Variants in CNRIP1 observed in about 807,000 individuals in gnomAD.
CNRIP1 encodes CB1 cannabinoid receptor-interacting protein 1.
In CNRIP1, 10 loss-of-function variants were observed where a neutral mutation model predicts 15.2. The observed-to-expected ratio is 0.66, with a 90% CI of 0.41 to 1.12. CNRIP1 has a LOEUF of 1.12. Ranked by LOEUF, CNRIP1 falls within the 50% of genes most tolerant of loss-of-function variation. The pLI is 0.00. For synonymous variants in CNRIP1, 91 were observed against 83.2 expected (o/e 1.09, Z -0.51); for missense variants, 211 against 214.7 (o/e 0.98, Z 0.11).
At chr2:68,304,414 A>C (rs931864114) in intron 2 of CNRIP1, among the ~76,000 whole-genome samples, 3 of 149,408 alleles carry the variant, frequency 2.0e-5, no homozygotes, top group Non-Finnish European at 4.5e-5. Flanking sequence ...AAAAAAAATA[A>C]AGTTGGAGAG....
chr2:68,298,987 G>A (rs1671495746), intron 2 of CNRIP1, among the ~76,000 whole-genome samples: 1 of 152,100 alleles, frequency 6.6e-6, no homozygotes, highest in Non-Finnish European at 1.5e-5. Flanking sequence ...CTGTATATTT[G>A]TATAGCACCC....
At chr2:68,294,505 T>G (rs953909583) in intron 2 of CNRIP1, among the ~76,000 whole-genome samples, 2 of 152,026 alleles carry the variant, frequency 1.3e-5, no homozygotes, top group Non-Finnish European at 1.5e-5. Flanking sequence ...CAAACCCCCA[T>G]GTTCATCCCC....
At chr2:68,318,012 T>TA (rs78781299) in intron 1 of CNRIP1, among the ~76,000 whole-genome samples, 2,365 of 135,208 alleles carry the variant, frequency 0.017, 22 homozygotes, top group African/African-American at 0.031. Context: ...AGGAATACTC[T>TA]AAAAAAAAAA....
intron 2 of CNRIP1, among the ~76,000 whole-genome samples, chr2:68,314,433 A>G (rs1672199525): frequency 6.6e-6 from 1 of 152,122 alleles, no homozygotes; most frequent in African/African-American, 2.4e-5. Flanking sequence ...TTCATCAAAT[A>G]TATCAAATAA....
chr2:68,308,133 CA>C (rs1346110121), intron 2 of CNRIP1, among the ~76,000 whole-genome samples: 3 of 151,900 alleles, frequency 2.0e-5, no homozygotes, highest in African/African-American at 7.3e-5. Context: ...TTTGAGGTTA[CA>C]ATGAGCTATG....
intron 2 of CNRIP1, among the ~76,000 whole-genome samples, chr2:68,305,671 C>T (rs896354673): frequency 6.6e-6 from 1 of 151,640 alleles, no homozygotes; most frequent in African/African-American, 2.4e-5. Flanking sequence ...TGGCGAGCAC[C>T]TGTAGTCCCA....
intron 2 of CNRIP1, among the ~76,000 whole-genome samples, chr2:68,313,630 C>G (rs1341725693): frequency 6.6e-6 from 1 of 152,042 alleles, no homozygotes; most frequent in East Asian, 1.9e-4. Flanking sequence ...ATGGCAAGCT[C>G]AGGATAGGTT....
In CNRIP1 at chr2:68,319,412, G is replaced by A. The variant is rs1573044002; in HGVS notation, c.-12C>T. ...GGCAGGTCCCCCATGTCTGGGCGAG[G>A]GTCTGGCGCGGCGGCTCCGGGGGGC... On this transcript the variant is annotated 5_prime_UTR_variant, in exon 1 of 3. Coordinates refer to ENST00000263655, the MANE Select transcript of CNRIP1 (RefSeq NM_015463.3). 9 of 1,535,940 alleles carry A rather than the reference G, an allele frequency of 5.9e-6. No homozygotes were observed. The highest frequency in any genetic ancestry group is 2.4e-5 in the East Asian group (1 of 41,554).
Position 68,293,602 on chromosome 2 carries a change from AT to A in CNRIP1, c.*259del. The stretch of plus-strand genomic sequence containing the variant: ...ACTCCAGTCACAAGTGGTCAAAAGT[AT>A]GACCGAGAACAACTGGATGCAGGAA... On this transcript the variant is annotated 3_prime_UTR_variant, in exon 3 of 3. Transcript: ENST00000263655. The A allele has an allele frequency of 9.8e-6, 11 of 1,125,488 alleles. No homozygotes were observed. Among genetic ancestry groups the A allele is most frequent in the Non-Finnish European group, 1.2e-5 (11 of 914,520 alleles). The allele number at this position is 1,125,488 out of a possible 1,614,324, so 69.7% of individuals were successfully genotyped here.
At position 68,286,678 on chromosome 2, in the gene CNRIP1, C is replaced by T. The variant is rs569523796; in HGVS notation, c.331-2194G>A. On this transcript the variant is annotated intron_variant, in intron 2 of 2. Coordinates refer to the CNRIP1 transcript ENST00000409559. ...AACACCATTGTTACCTCTTGGGCCA[C>T]GGTCTCCCTTGGGATGGTCATTTCA... Among the ~76,000 whole-genome samples the T allele has an allele frequency of 9.8e-5, 15 of 152,286 alleles. No individual in the cohort carries two copies. In the South Asian group the frequency reaches 2.3e-3, roughly 23 times the overall value.
chr2:68,284,461 T>C, exon 3 of CNRIP1: 1 of 1,542,288 alleles, frequency 6.5e-7, no homozygotes, highest in South Asian at 1.2e-5. Context: ...GAGAGATCTC[T>C]TGGGGTCGTT....
Position 68,319,569 on chromosome 2 carries a change from T to C in CNRIP1, c.-169A>G. The C allele has an allele frequency of 1.6e-6, 1 of 644,028 alleles. No individual in the cohort carries two copies. Among genetic ancestry groups the C allele is most frequent in the Non-Finnish European group, 2.5e-6 (1 of 398,454 alleles). The allele number at this position is 644,028 out of a possible 1,614,324, so 39.9% of individuals were successfully genotyped here. ...CGCCGTCGCCGCCGTCCGCCCGGGCTTTTGAGGAGCAGCTCCTTAGGCTGT... is the reference window on the plus strand; with the variant it reads ...CGCCGTCGCCGCCGTCCGCCCGGGCCTTTGAGGAGCAGCTCCTTAGGCTGT... On this transcript the variant is annotated 5_prime_UTR_variant, in exon 1 of 3. Coordinates refer to ENST00000263655, the MANE Select transcript of CNRIP1 (RefSeq NM_015463.3).
At chr2:68,307,847 G>C (rs1353590417) in intron 2 of CNRIP1, among the ~76,000 whole-genome samples, 2 of 151,984 alleles carry the variant, frequency 1.3e-5, no homozygotes, top group African/African-American at 4.8e-5. Flanking sequence ...TCCTTTTAAA[G>C]TATACAAACA....
chr2:68,284,825 A>G (rs928509382), intron 2 of CNRIP1, among the ~76,000 whole-genome samples: 2 of 149,564 alleles, frequency 1.3e-5, no homozygotes, highest in Non-Finnish European at 2.9e-5. Flanking sequence ...AAAAAAAAAA[A>G]AAAGAAAAGA....
intron 2 of CNRIP1, among the ~76,000 whole-genome samples, chr2:68,303,189 G>A (rs778879233): frequency 2.6e-5 from 4 of 152,106 alleles, no homozygotes; most frequent in Non-Finnish European, 5.9e-5. Flanking sequence ...GGACTCTTAA[G>A]CAAGACTCAA....
chr2:68,310,712 T>TAA (rs34235316), intron 2 of CNRIP1, among the ~76,000 whole-genome samples: 50,572 of 144,602 alleles, frequency 0.35, 9,296 homozygotes, highest in Non-Finnish European at 0.41. Context: ...TGACCCATAT[T>TAA]AAAAAAAAAA....
intron 2 of CNRIP1, among the ~76,000 whole-genome samples, chr2:68,305,312 G>GTGTA (rs1285507186): frequency 1.5e-4 from 19 of 129,096 alleles, no homozygotes; most frequent in African/African-American, 5.6e-4. Flanking sequence ...GTGTGTGTGT[G>GTGTA]TACATATAAA....
intron 2 of CNRIP1, among the ~76,000 whole-genome samples, chr2:68,314,412 A>C (rs1672199451): frequency 6.6e-6 from 1 of 152,114 alleles, no homozygotes; most frequent in Non-Finnish European, 1.5e-5. Flanking sequence ...GAAGTGTATT[A>C]CTTTATGTAA....
chr2:68,318,087 C>G (rs1256718631), intron 1 of CNRIP1, among the ~76,000 whole-genome samples: 1 of 150,810 alleles, frequency 6.6e-6, no homozygotes, highest in African/African-American at 2.4e-5. Flanking sequence ...AAAGGAAAAG[C>G]CTGGATTATA....
Sources: gnomAD v4.1 joint callset for allele counts (sites outside exome capture counted in the v4.1 genomes callset) on GRCh38, gnomAD v4.1.1 for gene constraint, MANE v1.5 for transcripts, NCBI Gene and HGNC (gene_info 2026-07-23, HGNC 2026-07-21) for gene names.